The following STPG2 variants were observed in gnomAD, a reference collection of about 807,000 sequenced individuals.
STPG2 encodes sperm tail PG-rich repeat containing 2.
STPG2 carries 56 observed loss-of-function variants against 54.2 expected under a neutral mutation model. The observed-to-expected ratio is 1.03, with a 90% confidence interval of 0.83 to 1.29. The LOEUF is 1.29. Among genes scored for constraint, STPG2 ranks in the 50% most tolerant of loss-of-function variants. The pLI is 0.00. For synonymous variants in STPG2, 200 were observed against 181.8 expected (o/e 1.10, Z -0.81); for missense variants, 596 against 544.9 (o/e 1.09, Z -0.93).
intron 8 of STPG2, among the ~76,000 whole-genome samples, chr4:97,929,849 T>A (rs1333260717): frequency 6.6e-6 from 1 of 152,162 alleles, no homozygotes; most frequent in African/African-American, 2.4e-5. Context: ...GTTGATAGTT[T>A]CCTTTACTGT....
intron 5 of STPG2, among the ~76,000 whole-genome samples, chr4:98,061,196 A>AT (rs1358662682): frequency 1.3e-5 from 2 of 152,200 alleles, no homozygotes; most frequent in Middle Eastern, 3.2e-3. Context: ...TCTAGCATCT[A>AT]TAAGGATGCT....
intron 9 of STPG2, among the ~76,000 whole-genome samples, chr4:97,762,650 C>T (rs1381958149): frequency 6.6e-6 from 1 of 152,102 alleles, no homozygotes; most frequent in Non-Finnish European, 1.5e-5. Context: ...AAAGCTATTG[C>T]CTCTCTGATA....
At chr4:97,491,944 G>A (rs1730512159) in intron 4 of STPG2, among the ~76,000 whole-genome samples, 1 of 151,406 alleles carries the variant, frequency 6.6e-6, no homozygotes, top group African/African-American at 2.4e-5. Flanking sequence ...ATAGTGAAGA[G>A]AATAAATGGT....
chr4:97,602,516 C>T (rs889019753), intron 10 of STPG2, among the ~76,000 whole-genome samples: 2 of 151,722 alleles, frequency 1.3e-5, no homozygotes, highest in Admixed American at 6.6e-5. Context: ...AAATAAAATG[C>T]TTCTAACATT....
chr4:97,858,004 T>C (rs1267293288), intron 8 of STPG2, among the ~76,000 whole-genome samples: 1 of 151,796 alleles, frequency 6.6e-6, no homozygotes, highest in Non-Finnish European at 1.5e-5. Flanking sequence ...TTGGATGATA[T>C]AAAAAAATTA....
At chr4:97,722,857 G>A (rs760784662) in intron 9 of STPG2, among the ~76,000 whole-genome samples, 4 of 147,984 alleles carry the variant, frequency 2.7e-5, no homozygotes, top group Non-Finnish European at 5.9e-5. Flanking sequence ...GAGTGCAGTG[G>A]TGCGATCTCG....
intron 9 of STPG2, among the ~76,000 whole-genome samples, chr4:97,726,875 T>C (rs1339523755): frequency 1.3e-5 from 2 of 151,460 alleles, no homozygotes; most frequent in African/African-American, 2.4e-5. Context: ...AGAATATACC[T>C]ATGTTGGCAA....
intron 4 of STPG2, among the ~76,000 whole-genome samples, chr4:97,536,937 T>A (rs1216880678): frequency 5.9e-5 from 9 of 152,210 alleles, no homozygotes; most frequent in Non-Finnish European, 4.4e-5. Context: ...TCATACATAA[T>A]CATCGGTTTC....
intron 10 of STPG2, among the ~76,000 whole-genome samples, chr4:97,693,602 A>G (rs1221219527): frequency 1.3e-5 from 2 of 152,186 alleles, no homozygotes; most frequent in East Asian, 3.9e-4. Flanking sequence ...TCAATACTCC[A>G]CTGACAGCAC....
intron 10 of STPG2, among the ~76,000 whole-genome samples, chr4:97,578,568 GACTT>G (rs1230009193): frequency 6.6e-6 from 1 of 151,582 alleles, no homozygotes; most frequent in African/African-American, 2.4e-5. Flanking sequence ...TAGAATTGGA[GACTT>G]ACTTGGTGTG....
chr4:97,815,042 C>A (rs1727863873), intron 9 of STPG2, among the ~76,000 whole-genome samples: 1 of 152,172 alleles, frequency 6.6e-6, no homozygotes, highest in Non-Finnish European at 1.5e-5. Flanking sequence ...CCAATTCAAG[C>A]AGGACTACCA....
At chr4:97,558,634 G>A (rs540736110), downstream of STPG2, among the ~76,000 whole-genome samples, 4 of 152,244 alleles carry the variant, frequency 2.6e-5, no homozygotes, top group African/African-American at 7.2e-5. Flanking sequence ...CCGTGTGGAG[G>A]TGAATCCTTC....
chr4:98,074,719 T>C (rs192825899), intron 5 of STPG2, among the ~76,000 whole-genome samples: 8 of 152,312 alleles, frequency 5.3e-5, no homozygotes, highest in African/African-American at 1.9e-4. Flanking sequence ...GTTCTAATCT[T>C]TTGTTAAAAC....
intron 9 of STPG2, among the ~76,000 whole-genome samples, chr4:97,781,226 C>G (rs1726598507): frequency 6.6e-6 from 1 of 152,030 alleles, no homozygotes; most frequent in South Asian, 2.1e-4. Context: ...CAAATAGATG[C>G]AATAAAAAAC....
intron 4 of STPG2, among the ~76,000 whole-genome samples, chr4:97,524,603 T>G (rs1267833542): frequency 6.6e-6 from 1 of 151,950 alleles, no homozygotes; most frequent in Non-Finnish European, 1.5e-5. Flanking sequence ...CATCTTATTT[T>G]TATGGCATTT....
intron 7 of STPG2, among the ~76,000 whole-genome samples, chr4:97,962,158 G>A (rs759876553): frequency 2.0e-5 from 3 of 152,144 alleles, no homozygotes; most frequent in Non-Finnish European, 2.9e-5. Context: ...CCTAAGCTAC[G>A]AGGAAGCAAA....
intron 8 of STPG2, among the ~76,000 whole-genome samples, chr4:97,902,111 G>A (rs1731199129): frequency 6.6e-6 from 1 of 151,850 alleles, no homozygotes; most frequent in African/African-American, 2.4e-5. Flanking sequence ...ATGAGCAAAA[G>A]AATAAAATCA....
At chr4:97,651,167 CCT>C (rs570092449) in intron 10 of STPG2, among the ~76,000 whole-genome samples, 101 of 152,006 alleles carry the variant, frequency 6.6e-4, no homozygotes, top group African/African-American at 2.3e-3. Context: ...ATTTTTAAAC[CCT>C]GCATATCAAT....
chr4:98,114,944 C>G (rs755831162), intron 3 of STPG2, among the ~76,000 whole-genome samples: 40 of 112,796 alleles, frequency 3.5e-4, no homozygotes, highest in Non-Finnish European at 5.5e-4. Flanking sequence ...GCACTCTTAT[C>G]TCTAAATTAC....
Sources: gnomAD v4.1 joint callset for allele counts (sites outside exome capture counted in the v4.1 genomes callset) on GRCh38, gnomAD v4.1.1 for gene constraint, MANE v1.5 for transcripts, NCBI Gene and HGNC (gene_info 2026-07-23, HGNC 2026-07-21) for gene names.